PLAT: variants seen among roughly 807,000 people sequenced by gnomAD.
PLAT encodes tissue-type plasminogen activator.
Under a neutral mutation model 74.9 loss-of-function variants are expected in PLAT, and 48 were observed. That is an observed-to-expected ratio of 0.64 (90% CI 0.51 to 0.82). The LOEUF (loss-of-function observed/expected upper bound fraction) is 0.82. PLAT is among the 40% of genes least tolerant of loss of function. The pLI is 0.00. For synonymous variants in PLAT, 307 were observed against 294.4 expected, an observed-to-expected ratio of 1.04 and a Z score of -0.44; for missense variants, 673 against 736.2, an observed-to-expected ratio of 0.91 and a Z score of 0.99.
chr8:42,176,195 C>A, intron 13 of PLAT, 44 bp from the exon 14 acceptor site: 2 of 1,536,456 alleles, frequency 1.3e-6, no homozygotes, highest in Admixed American at 1.8e-5. Context: ...AAAAAGCAGA[C>A]TATCTGGAGA....
intron 1 of PLAT, among the ~76,000 whole-genome samples, chr8:42,199,099 G>A (rs1806029920): frequency 1.3e-5 from 2 of 152,178 alleles, no homozygotes; most frequent in African/African-American, 4.8e-5. Flanking sequence ...ACTTCTCCAG[G>A]CCCTGCATAG....
intron 6 of PLAT, chr8:42,185,429 A>G (rs1255136829): frequency 7.1e-6 from 2 of 281,244 alleles, no homozygotes; most frequent in Non-Finnish European, 1.3e-5. Flanking sequence ...ATGCCTGGCT[A>G]ATTTTTGTAT....
intron 1 of PLAT, among the ~76,000 whole-genome samples, chr8:42,203,703 G>T (rs1449468408): frequency 6.6e-6 from 1 of 152,040 alleles, no homozygotes; most frequent in Non-Finnish European, 1.5e-5. Flanking sequence ...AGTGGCTCTT[G>T]CCTGTAATCC....
At chr8:42,181,549 A>G (rs1805239641) in intron 9 of PLAT, among the ~76,000 whole-genome samples, 1 of 152,124 alleles carries the variant, frequency 6.6e-6, no homozygotes, top group South Asian at 2.1e-4. Flanking sequence ...AGGTAGGAAG[A>G]CCACCTCCAC....
intron 1 of PLAT, among the ~76,000 whole-genome samples, chr8:42,194,050 CTTTT>C (rs59850705): frequency 7.1e-5 from 6 of 84,920 alleles, no homozygotes; most frequent in African/African-American, 2.0e-4. Context: ...TTTCTTCTTT[CTTTT>C]TTTTTTTTTT....
chr8:42,202,463 C>T (rs8178691), intron 1 of PLAT, among the ~76,000 whole-genome samples: 3,972 of 152,224 alleles, frequency 0.026, 184 homozygotes, highest in African/African-American at 0.09. Context: ...GCTGGAGAAG[C>T]TGCAGGGATG....
chr8:42,187,732 A>G (rs1226923361), intron 5 of PLAT, among the ~76,000 whole-genome samples, 160 bp from the exon 6 acceptor site: 1 of 152,156 alleles, frequency 6.6e-6, no homozygotes, highest in Non-Finnish European at 1.5e-5. Context: ...TCAGGGTCAC[A>G]CCTAGGCTCT....
chr8:42,194,389 G>A (rs892214760), intron 1 of PLAT, among the ~76,000 whole-genome samples: 2 of 152,054 alleles, frequency 1.3e-5, no homozygotes, highest in African/African-American at 2.4e-5. Context: ...GTGAGCCACC[G>A]CGCCCAGCAT....
intron 5 of PLAT, 41 bp from the exon 6 acceptor site, chr8:42,187,613 CCT>C: frequency 6.5e-7 from 1 of 1,533,198 alleles, no homozygotes; most frequent in Non-Finnish European, 8.8e-7. Context: ...ATGGGAGTCC[CCT>C]TTCATTCAGC....
intron 9 of PLAT, among the ~76,000 whole-genome samples, chr8:42,181,277 C>T (rs1027874619): frequency 2.3e-4 from 35 of 152,082 alleles, no homozygotes; most frequent in African/African-American, 7.7e-4. Context: ...TGATTAATAA[C>T]CTACTCTCTG....
intron 1 of PLAT, among the ~76,000 whole-genome samples, chr8:42,198,194 A>C (rs1805988761): frequency 6.6e-6 from 1 of 152,148 alleles, no homozygotes; most frequent in Admixed American, 6.5e-5. Flanking sequence ...AAACATTTTA[A>C]AAATAGATTA....
chr8:42,178,280 T>C (rs897204047), intron 13 of PLAT, among the ~76,000 whole-genome samples: 1 of 149,848 alleles, frequency 6.7e-6, no homozygotes, highest in Non-Finnish European at 1.5e-5. Flanking sequence ...TTTTTTTTTT[T>C]TTTTTTTGAG....
In PLAT at chr8:42,179,786, C is replaced by T. The variant is rs1338907997; in HGVS notation, c.1363+140G>A. On this transcript the variant is annotated intron_variant, in intron 12 of 13. Coordinates refer to ENST00000220809, the MANE Select transcript of PLAT (RefSeq NM_000930.5). ...CAGAGACAGCAGAGACGGGCCCCCA[C>T]GACACAGGGAGACGGGACTGGCGTC... is the stretch of plus-strand genomic sequence containing the variant. The T allele has an allele frequency of 1.8e-5, 15 of 845,306 alleles. No homozygotes were observed. The East Asian group carries it at 3.0e-4, about 17-fold the overall frequency. 52.4% of individuals were successfully genotyped at this position (845,306 alleles called of 1,614,324 possible). A position where few individuals can be genotyped will look rare whatever the true frequency, so the allele number is the denominator to read the frequency against.
At chr8:42,193,234 T>G (rs1374229823) in intron 1 of PLAT, 23 bp from the exon 2 acceptor site, 2 of 1,491,368 alleles carry the variant, frequency 1.3e-6, no homozygotes, top group African/African-American at 2.8e-5. Flanking sequence ...AAAAAACAGC[T>G]TGATCACGGG....
rs1181068137 is a variant in PLAT at position 42,204,026 on chromosome 8, CACAT to C, written c.-27+3464_-27+3467del. 1.6e-3 allele frequency among the ~76,000 whole-genome samples: 234 copies of C among 148,288 alleles called. 1 individual carries two copies. The highest frequency in any genetic ancestry group is 2.2e-3 in the Non-Finnish European group (150 of 67,408). ...ACACACACACACACACACACACACACACATACAAACACATATTGCTAAGAGAATG... is the reference window on the plus strand; with the variant it reads ...ACACACACACACACACACACACACACACAAACACATATTGCTAAGAGAATG... On this transcript the variant is annotated intron_variant, in intron 1 of 13. Coordinates refer to ENST00000220809, the MANE Select transcript of PLAT (RefSeq NM_000930.5).
Position 42,187,932 on chromosome 8 carries a change from C to T in PLAT, c.338G>A (p.Gly113Glu), listed in dbSNP as rs755255849. The change falls in exon 5 of 14, where the codon GGA (glycine) becomes GAA (glutamate). Residue 113 changes from glycine (G) to glutamate (E), a missense_variant. Coordinates refer to ENST00000220809, the MANE Select transcript of PLAT (RefSeq NM_000930.5). ...TATTTCACAGCACTTCCCAGCAAAT[C>T]CTTCGGGGCACTGGCACACGAAATC... ...FSDFVCQCPE[G>E]FAGKCCEIDT... 6.2e-7 allele frequency: 1 copy of T among 1,612,630 alleles called. No individual in the cohort carries two copies. The highest frequency in any genetic ancestry group is 1.1e-5 in the South Asian group (1 of 91,026).
At chr8:42,193,578 G>T (rs887726492) in intron 1 of PLAT, 8 of 209,096 alleles carry the variant, frequency 3.8e-5, no homozygotes, top group African/African-American at 1.8e-4. Context: ...CAGCAGCCAC[G>T]CTGCTACTTT....
Position 42,185,124 on chromosome 8 carries a change from C to A in PLAT, c.588G>T (p.Gly196=). The change falls in exon 7 of 14, where the codon GGG becomes GGT. Residue 196 remains glycine (G), a synonymous_variant. Transcript: ENST00000220809. The part of the protein sequence containing the change: ...SKPWCYVFKA[G]KYSSEFCSTP... ...TGCTGCAGAACTCTGAGCTGTACTT[C>A]CCCGCCTTAAAGACGTAGCACCAGG... is the stretch of plus-strand genomic sequence containing the variant. 3.1e-6 allele frequency: 5 copies of A among 1,612,384 alleles called. No homozygotes were observed. The highest frequency in any genetic ancestry group is 4.2e-6 in the Non-Finnish European group (5 of 1,179,360).
At chr8:42,188,797 A>G in intron 4 of PLAT, 137 bp downstream of exon 4, 1 of 712,408 alleles carries the variant, frequency 1.4e-6, no homozygotes, top group South Asian at 1.9e-5. Flanking sequence ...TAATTTTTTT[A>G]TTTTTTGTAG....
Sources: gnomAD v4.1 joint callset for allele counts (sites outside exome capture counted in the v4.1 genomes callset) on GRCh38, gnomAD v4.1.1 for gene constraint, MANE v1.5 for transcripts, NCBI Gene and HGNC (gene_info 2026-07-23, HGNC 2026-07-21) for gene names.